Variants in RGS20 observed in about 807,000 individuals in gnomAD.
RGS20 encodes gz-selective GTPase-activating protein.
In RGS20, 30 loss-of-function variants were observed where a neutral mutation model predicts 33.6. That is an observed-to-expected ratio of 0.89 (90% CI 0.67 to 1.21). RGS20 has a LOEUF of 1.21. RGS20 is among the 50% of genes most tolerant of loss of function. RGS20 has a pLI of 0.00. For missense variants in RGS20, 472 were observed against 502.4 expected (o/e 0.94, Z 0.58); for synonymous variants, 208 against 197.9 (o/e 1.05, Z -0.43).
intron 2 of RGS20, among the ~76,000 whole-genome samples, chr8:53,898,373 T>A (rs936685): frequency 0.088 from 13,431 of 152,158 alleles, 1,758 homozygotes; most frequent in African/African-American, 0.29. Context: ...GTTACCCTTT[T>A]TCTTTTGGGA....
At chr8:53,856,216 ATTT>A (rs11366812) in intron 1 of RGS20, among the ~76,000 whole-genome samples, 19 of 138,762 alleles carry the variant, frequency 1.4e-4, no homozygotes, top group African/African-American at 4.9e-4. Flanking sequence ...TTATTTTTCA[ATTT>A]TTTTTTTTTT....
intron 2 of RGS20, among the ~76,000 whole-genome samples, chr8:53,899,839 T>G (rs1052131386): frequency 6.6e-6 from 1 of 152,116 alleles, no homozygotes; most frequent in African/African-American, 2.4e-5. Context: ...CAGGCTCTAG[T>G]CACAAAGCCC....
chr8:53,925,389 A>C (rs1477734137), intron 2 of RGS20, among the ~76,000 whole-genome samples: 2 of 152,168 alleles, frequency 1.3e-5, no homozygotes, highest in Non-Finnish European at 2.9e-5. Context: ...GGAGTAAAAA[A>C]AAAATATGAA....
intron 1 of RGS20, among the ~76,000 whole-genome samples, chr8:53,867,398 A>G (rs766040598): frequency 2.0e-5 from 3 of 152,192 alleles, no homozygotes; most frequent in East Asian, 3.8e-4. Context: ...ACTAACATCC[A>G]TCTTCAAAAA....
At chr8:53,939,040 G>A (rs1396351533) in intron 2 of RGS20, among the ~76,000 whole-genome samples, 1 of 152,148 alleles carries the variant, frequency 6.6e-6, no homozygotes, top group Non-Finnish European at 1.5e-5. Context: ...GCAAGGTGAC[G>A]CAGCTAGGAA....
intron 1 of RGS20, among the ~76,000 whole-genome samples, chr8:53,872,817 C>T (rs1201693625): frequency 2.6e-5 from 4 of 152,120 alleles, no homozygotes; most frequent in African/African-American, 4.8e-5. Context: ...TCTTGGGCGC[C>T]TCTCAGCTCA....
chr8:53,915,400 G>A (rs916968535), intron 2 of RGS20, among the ~76,000 whole-genome samples: 38 of 151,114 alleles, frequency 2.5e-4, no homozygotes, highest in African/African-American at 9.1e-4. Flanking sequence ...GGGATCTCCC[G>A]GAGTTCAGAC....
intron 2 of RGS20, among the ~76,000 whole-genome samples, chr8:53,929,178 A>G (rs534217574): frequency 6.6e-6 from 1 of 152,332 alleles, no homozygotes; most frequent in Admixed American, 6.5e-5. Context: ...AATTCTCAAG[A>G]AGCAGGGTTT....
Position 53,959,139 on chromosome 8 carries a change from CTGT to C in RGS20, c.*683_*685del, listed in dbSNP as rs1435842013. On this transcript the variant is annotated 3_prime_UTR_variant, in exon 6 of 6. Transcript: ENST00000297313. ...AAAATTCTTTTGTTGAAAAGAGTTACTGTTATTATCAGAATTTGCCAACCTAAA... is the reference window on the plus strand; with the variant it reads ...AAAATTCTTTTGTTGAAAAGAGTTACTATTATCAGAATTTGCCAACCTAAA... 3 of 152,156 alleles carry C rather than the reference CTGT, an allele frequency of 2.0e-5. No individual in the cohort carries two copies. The East Asian group carries it at 5.8e-4, about 29-fold the overall frequency. The allele number at this position is 152,156 out of a possible 1,614,324, so 9.4% of individuals were successfully genotyped here. A position where few individuals can be genotyped will look rare whatever the true frequency, so the allele number is the denominator to read the frequency against.
At chr8:53,894,136 A>G (rs1812789941) in intron 2 of RGS20, among the ~76,000 whole-genome samples, 1 of 152,172 alleles carries the variant, frequency 6.6e-6, no homozygotes, top group African/African-American at 2.4e-5. Context: ...ATACGTTAGT[A>G]TGGAGGTTTT....
chr8:53,948,159 T>A (rs1263804656), intron 4 of RGS20, among the ~76,000 whole-genome samples: 1 of 133,262 alleles, frequency 7.5e-6, no homozygotes, highest in Non-Finnish European at 1.5e-5. Context: ...GTATATATAT[T>A]TATATATGCT....
chr8:53,859,927 C>T (rs973519971), intron 1 of RGS20, among the ~76,000 whole-genome samples: 3 of 152,204 alleles, frequency 2.0e-5, no homozygotes, highest in Non-Finnish European at 4.4e-5. Flanking sequence ...GGGTCCCTCC[C>T]ATGACATATG....
intron 2 of RGS20, chr8:53,913,390 T>G (rs1813401137): frequency 6.6e-6 from 1 of 152,236 alleles, no homozygotes; most frequent in East Asian, 1.9e-4. Flanking sequence ...GGAGATCCTA[T>G]TCCTCACTCC....
intron 2 of RGS20, among the ~76,000 whole-genome samples, chr8:53,927,458 T>C (rs1813836262): frequency 6.6e-6 from 1 of 152,024 alleles, no homozygotes; most frequent in African/African-American, 2.4e-5. Flanking sequence ...ACCCGCCTCA[T>C]CCTCCTAAAG....
chr8:53,898,423 C>G (rs746520477), intron 2 of RGS20, among the ~76,000 whole-genome samples: 1 of 152,196 alleles, frequency 6.6e-6, no homozygotes, highest in Non-Finnish European at 1.5e-5. Context: ...AAAGAAGAAA[C>G]TGGCCTCCTC....
intron 4 of RGS20, among the ~76,000 whole-genome samples, chr8:53,948,306 C>G (rs1315707863): frequency 7.3e-6 from 1 of 137,708 alleles, no homozygotes; most frequent in Non-Finnish European, 1.5e-5. Flanking sequence ...ATATATGATA[C>G]AGTATATATA....
intron 2 of RGS20, chr8:53,879,845 A>G (rs1812308752): frequency 4.8e-6 from 2 of 417,576 alleles, no homozygotes; most frequent in Non-Finnish European, 8.4e-6. Context: ...TTTCCTTTCC[A>G]TGGTCCAAGA....
rs150620062 is a variant in RGS20, at chr8:53,877,056, C to T, written c.166-2202C>T. ...ACGTTCTCACAAAACCATTTGAAAACATGAGCTGGAGACGCCAAATTCTGG... is the reference window on the plus strand; with the variant it reads ...ACGTTCTCACAAAACCATTTGAAAATATGAGCTGGAGACGCCAAATTCTGG... On this transcript the variant is annotated intron_variant, in intron 1 of 5. Transcript: ENST00000297313. The surrounding 1 kb of genome is among the most constrained non-coding windows in gnomAD (Gnocchi z 5.7). 1.0e-3 allele frequency among the ~76,000 whole-genome samples: 154 copies of T among 152,316 alleles called. No individual in the cohort carries two copies. Among genetic ancestry groups the T allele is most frequent in the African/African-American group, 3.6e-3 (150 of 41,574 alleles).
At chr8:53,873,777 A>C (rs1477968103) in intron 1 of RGS20, among the ~76,000 whole-genome samples, 2 of 152,238 alleles carry the variant, frequency 1.3e-5, no homozygotes, top group Non-Finnish European at 2.9e-5. Flanking sequence ...ATAGAAAAAA[A>C]ACTGTATTGC....
Sources: allele counts gnomAD v4.1 joint callset (sites outside exome capture counted in the v4.1 genomes callset), GRCh38; gene constraint gnomAD v4.1.1; non-coding constraint Gnocchi (gnomAD v3.1); transcripts MANE v1.5; gene names NCBI Gene and HGNC (gene_info 2026-07-23, HGNC 2026-07-21).